The following CEP295 variants were observed in gnomAD, a reference collection of about 807,000 sequenced individuals.
CEP295 encodes centrosomal protein 295, also known as centrosomal protein of 295 kDa.
CEP295 carries 190 observed loss-of-function variants against 291.6 expected under a neutral mutation model. The observed-to-expected ratio is 0.65, with a 90% CI of 0.58 to 0.73. CEP295 has a LOEUF of 0.73. Among genes scored for constraint, CEP295 ranks in the 30% least tolerant of loss-of-function variants. The pLI is 0.00. For missense variants in CEP295, 2,863 were observed against 2,949.4 expected (o/e 0.97, Z 0.68); for synonymous variants, 993 against 1,038.8 (o/e 0.96, Z 0.85).
rs1954254327 is a variant in CEP295, at chr11:93,727,645, A to C, written c.7161+8A>C. The C allele has an allele frequency of 6.6e-7, 1 of 1,508,784 alleles. No individual in the cohort carries two copies. The highest frequency in any genetic ancestry group is 1.4e-5 in the African/African-American group (1 of 70,548). The allele number at this position is 1,508,784 out of a possible 1,614,324, so 93.5% of individuals were successfully genotyped here. ...AGCTCTATACCAGTCTGGGTAAGTG[A>C]AATCAGTGTTGTATAAATAACATTT... On this transcript the variant is annotated splice_region_variant and intron_variant, in intron 24 of 29. Coordinates refer to ENST00000325212, the MANE Select transcript of CEP295 (RefSeq NM_033395.2).
At chr11:93,701,780 T>G (rs1385264066) in intron 15 of CEP295, among the ~76,000 whole-genome samples, 1 of 151,612 alleles carries the variant, frequency 6.6e-6, no homozygotes, top group African/African-American at 2.4e-5. Flanking sequence ...ACTTTTGTAT[T>G]TTTTGTAGAG....
At position 93,684,638 on chromosome 11, in the gene CEP295, G is replaced by A. The variant is rs11020486; in HGVS notation, c.1114+510G>A. On this transcript the variant is annotated intron_variant, in intron 9 of 29. Transcript: ENST00000325212. ...GAATGAAAGTTGTCAGGTGGAGATC[G>A]TTAGGAAAAGGGTACTAAGTGACAG... 7.2e-3 allele frequency among the ~76,000 whole-genome samples: 1,099 copies of A among 152,206 alleles called. 9 individuals are homozygous for A. The highest frequency in any genetic ancestry group is 0.027 in the Middle Eastern group (8 of 294).
intron 3 of CEP295, 51 bp from the exon 4 acceptor site, chr11:93,668,757 A>G (rs1183425713): frequency 7.8e-7 from 1 of 1,288,492 alleles, no homozygotes; most frequent in Non-Finnish European, 1.1e-6. Context: ...TATGAGACAC[A>G]TTTCTATTAT....
At chr11:93,721,777 A>T (rs747652079) in intron 19 of CEP295, 177 bp from the exon 20 acceptor site, 1 of 730,360 alleles carries the variant, frequency 1.4e-6, no homozygotes, top group Non-Finnish European at 2.5e-6. Flanking sequence ...ATGTATGTCT[A>T]TGAAAGCCTA....
At chr11:93,690,670 C>T (rs1486332922) in intron 10 of CEP295, among the ~76,000 whole-genome samples, 1 of 134,736 alleles carries the variant, frequency 7.4e-6, no homozygotes, top group East Asian at 2.2e-4. Flanking sequence ...GCAGAGCTTG[C>T]AGTGAGCTGA....
chr11:93,683,948 A>C lies in CEP295; in HGVS notation c.950-16A>C. The C allele has an allele frequency of 6.5e-7, 1 of 1,539,676 alleles. No individual in the cohort carries two copies. On this transcript the variant is annotated splice_polypyrimidine_tract_variant and intron_variant, in intron 8 of 29. Transcript: ENST00000325212. ...CATTTTGGAATGGAAACGTGTCTCT[A>C]TTTTTCTTTTTTAAGAGGTGAAAGG...
Position 93,725,791 on chromosome 11 carries a change from T to C in CEP295, c.6459T>C (p.His2153=), listed in dbSNP as rs1287859967. 1.3e-6 allele frequency: 2 copies of C among 1,551,404 alleles called. No homozygotes were observed. Among genetic ancestry groups the C allele is most frequent in the African/African-American group, 1.4e-5 (1 of 73,046 alleles). ...AACAACCTGACACTAACTTGGCTCA[T>C]GTTGGAGCTCACAGTTTTGCTACAG... ...PNQQPDTNLA[H]VGAHSFATEN... The change falls in exon 23 of 30, where the codon CAT becomes CAC. Residue 2153 remains histidine, a synonymous_variant. Transcript: ENST00000325212.
chr11:93,729,124 G>A, intron 25 of CEP295: 1 of 494,384 alleles, frequency 2.0e-6, no homozygotes. Flanking sequence ...ATTGAAAAAT[G>A]ACTTCAGAAC....
At chr11:93,693,202 G>A (rs905540101) in intron 12 of CEP295, among the ~76,000 whole-genome samples, 9 of 151,824 alleles carry the variant, frequency 5.9e-5, no homozygotes, top group South Asian at 2.1e-4. Context: ...GTGTGAACCC[G>A]GGAGACAGAG....
At chr11:93,685,232 G>A (rs560675272) in intron 9 of CEP295, among the ~76,000 whole-genome samples, 6 of 152,244 alleles carry the variant, frequency 3.9e-5, no homozygotes, top group African/African-American at 1.4e-4. Flanking sequence ...TATTTCCTTT[G>A]TTTAAAACCA....
At chr11:93,703,812 A>G (rs929771857) in intron 17 of CEP295, among the ~76,000 whole-genome samples, 5 of 134,514 alleles carry the variant, frequency 3.7e-5, no homozygotes, top group African/African-American at 8.5e-5. Flanking sequence ...TCTGTCGCCC[A>G]GGCTGGAGTG....
chr11:93,721,699 T>TGTAC (rs769423025), intron 19 of CEP295: 1 of 629,208 alleles, frequency 1.6e-6, no homozygotes, highest in Admixed American at 2.1e-5. Context: ...TGTGTGTGTG[T>TGTAC]GTACGCACAT....
chr11:93,671,801 C>T (rs1590971670), intron 5 of CEP295, among the ~76,000 whole-genome samples: 1 of 152,128 alleles, frequency 6.6e-6, no homozygotes, highest in East Asian at 1.9e-4. Flanking sequence ...GTGTCACATA[C>T]ACAGGATATA....
chr11:93,685,256 A>G (rs997364438), intron 9 of CEP295, among the ~76,000 whole-genome samples: 2 of 152,194 alleles, frequency 1.3e-5, no homozygotes, highest in African/African-American at 4.8e-5. Flanking sequence ...AGGCTTTCTT[A>G]TCGTCTTCAC....
chr11:93,702,374 T>C, intron 15 of CEP295, 86 bp from the exon 16 acceptor site: 1 of 870,258 alleles, frequency 1.1e-6, no homozygotes, highest in Non-Finnish European at 1.7e-6. Context: ...ACGTTCTAAT[T>C]TAAGAAGGGA....
rs888336400 is a variant in CEP295 at position 93,664,969 on chromosome 11, C to T, written c.-26-1713C>T. On this transcript the variant is annotated intron_variant, in intron 1 of 29. Coordinates refer to ENST00000325212, the MANE Select transcript of CEP295 (RefSeq NM_033395.2). ...GCAAACTGTAATTGATGAAAAACTACAGGAGGTAATACCAAGACAACATAA... is the reference window on the plus strand; with the variant it reads ...GCAAACTGTAATTGATGAAAAACTATAGGAGGTAATACCAAGACAACATAA... 1.2e-3 allele frequency among the ~76,000 whole-genome samples: 184 copies of T among 152,260 alleles called. 1 individual carries two copies. Among genetic ancestry groups the T allele is most frequent in the African/African-American group, 4.2e-3 (173 of 41,532 alleles).
At chr11:93,691,871 G>A (rs1159035145) in intron 11 of CEP295, 56 bp from the exon 12 acceptor site, 1 of 1,308,452 alleles carries the variant, frequency 7.6e-7, no homozygotes, top group Non-Finnish European at 1.1e-6. Flanking sequence ...GGGCATTATA[G>A]TGGTGTCAAA....
At chr11:93,702,387 T>C (rs1388586119) in intron 15 of CEP295, 73 bp from the exon 16 acceptor site, 2 of 986,896 alleles carry the variant, frequency 2.0e-6, no homozygotes, top group Non-Finnish European at 2.9e-6. Context: ...AGAAGGGAGA[T>C]ATAAATCTAA....
chr11:93,678,381 G>C (rs771480516), intron 6 of CEP295, among the ~76,000 whole-genome samples: 23 of 152,178 alleles, frequency 1.5e-4, no homozygotes, highest in Non-Finnish European at 2.5e-4. Flanking sequence ...GCTCAAAGCG[G>C]TTATATTCTT....
Sources: allele counts gnomAD v4.1 joint callset (sites outside exome capture counted in the v4.1 genomes callset), GRCh38; gene constraint gnomAD v4.1.1; transcripts MANE v1.5; gene names NCBI Gene and HGNC (gene_info 2026-07-23, HGNC 2026-07-21).